Variants in IFT46 observed in about 807,000 individuals in gnomAD.
The protein encoded by IFT46 is intraflagellar transport 46, also known as intraflagellar transport protein 46 homolog.
A neutral mutation model predicts 39.6 loss-of-function variants in IFT46; 19 were observed. The observed-to-expected ratio is 0.48, with a 90% CI of 0.33 to 0.70. The LOEUF is 0.70. Ranked by LOEUF, IFT46 falls within the 30% of genes least tolerant of loss-of-function variation. The probability of loss-of-function intolerance (pLI) is 0.01; values close to 1 mark genes in which losing one functional copy is unlikely to be tolerated. For synonymous variants in IFT46, 117 were observed against 134.8 expected (o/e 0.87, Z 0.91); for missense variants, 334 against 364.8 (o/e 0.92, Z 0.69).
At chr11:118,572,340 C>CCGGGGGGG in intron 1 of IFT46, 1 of 277,636 alleles carries the variant, frequency 3.6e-6, no homozygotes, top group Non-Finnish European at 7.1e-6. Flanking sequence ...CCCCAGCCCA[C>CCGGGGGGG]AGGCCCCGCC....
At chr11:118,567,463 C>A (rs1269862254), upstream of IFT46, among the ~76,000 whole-genome samples, 1 of 152,026 alleles carries the variant, frequency 6.6e-6, no homozygotes, top group African/African-American at 2.4e-5. Context: ...GTAATCCCAG[C>A]CACTCAGGAG....
chr11:118,551,583 A>G (rs959265703), intron 9 of IFT46, among the ~76,000 whole-genome samples: 5 of 141,614 alleles, frequency 3.5e-5, no homozygotes, highest in Non-Finnish European at 6.1e-5. Flanking sequence ...CTGAGGTGGG[A>G]GGGTCACTTG....
At chr11:118,574,514 A>G (rs1344268405), upstream of IFT46, among the ~76,000 whole-genome samples, 3 of 152,162 alleles carry the variant, frequency 2.0e-5, no homozygotes, top group Non-Finnish European at 4.4e-5. Flanking sequence ...ATATTTTATC[A>G]TGCATCTAAT....
intron 9 of IFT46, among the ~76,000 whole-genome samples, chr11:118,548,093 G>A (rs1235801314): frequency 1.4e-5 from 2 of 146,842 alleles, no homozygotes; most frequent in Non-Finnish European, 3.0e-5. Context: ...TTGTTGCCCA[G>A]GCTGGTCCTG....
rs149978137 is a variant in IFT46, at chr11:118,544,915, C to T, written c.*1G>A. 2.5e-4 allele frequency: 402 copies of T among 1,609,074 alleles called. No homozygotes were observed. Among genetic ancestry groups the T allele is most frequent in the Non-Finnish European group, 3.1e-4 (370 of 1,175,918 alleles). ...CTTGAAACAGCAGCTTGGGAAGTGT[C>T]TCAGCTGAAGGTTAATGTCTCCATG... On this transcript the variant is annotated 3_prime_UTR_variant, in exon 12 of 12. Coordinates refer to ENST00000264021, the MANE Select transcript of IFT46 (RefSeq NM_001168618.2).
At chr11:118,562,793 C>T (rs1555070783) in intron 2 of IFT46, among the ~76,000 whole-genome samples, 3 of 152,154 alleles carry the variant, frequency 2.0e-5, no homozygotes, top group East Asian at 1.9e-4. Context: ...AGGCTTGGTG[C>T]GGTGGCTCAC....
intron 1 of IFT46, among the ~76,000 whole-genome samples, chr11:118,565,322 C>G (rs1938187381): frequency 6.7e-6 from 1 of 149,536 alleles, no homozygotes; most frequent in Non-Finnish European, 1.5e-5. Flanking sequence ...AGAGAGCCAA[C>G]TTCTGCAGCT....
At chr11:118,547,568 G>A (rs1206021279) in intron 9 of IFT46, among the ~76,000 whole-genome samples, 2 of 151,608 alleles carry the variant, frequency 1.3e-5, no homozygotes, top group Admixed American at 1.3e-4. Context: ...ACAGATGTGC[G>A]CCACCAGGCC....
At chr11:118,555,190 G>A (rs1293345518) in intron 5 of IFT46, 58 bp downstream of exon 5, 3 of 1,555,976 alleles carry the variant, frequency 1.9e-6, no homozygotes, top group East Asian at 4.5e-5. Context: ...ACTAGAGATA[G>A]GAAAGGTTTG....
At chr11:118,548,389 A>G (rs1417780583) in intron 9 of IFT46, among the ~76,000 whole-genome samples, 1 of 135,298 alleles carries the variant, frequency 7.4e-6, no homozygotes, top group Non-Finnish European at 1.5e-5. Context: ...TTTTTTGGAC[A>G]GAGTCTCACT....
intron 9 of IFT46, among the ~76,000 whole-genome samples, chr11:118,549,667 G>C (rs1005217357): frequency 1.3e-5 from 2 of 151,774 alleles, no homozygotes; most frequent in African/African-American, 4.8e-5. Context: ...TGAGACTACA[G>C]GTGTGCACCA....
Position 118,544,927 on chromosome 11 carries a change from T to C in IFT46, c.904A>G (p.Thr302Ala), listed in dbSNP as rs782286079. ...GCTTGGGAAGTGTCTCAGCTGAAGG[T>C]TAATGTCTCCATGTCTCCAGCTTGG... ...TSQAGDMETL[T>A]FS is the part of the protein sequence containing the mutation. Residue 302 changes from threonine to alanine, a missense_variant, in exon 12 of 12, where the codon ACC (threonine) becomes GCC (alanine). Thr to Ala is a moderately conservative substitution (Grantham distance 58). Coordinates refer to ENST00000264021, the MANE Select transcript of IFT46 (RefSeq NM_001168618.2). 2.1e-5 allele frequency: 34 copies of C among 1,612,230 alleles called. 1 individual carries two copies. In the East Asian group the frequency reaches 3.3e-4, roughly 16 times the overall value.
chr11:118,573,595 T>C (rs1938409161), upstream of IFT46: 1 of 688,490 alleles, frequency 1.5e-6, no homozygotes, highest in Admixed American at 2.1e-5. Flanking sequence ...TTCTGTTCTG[T>C]TCTTTTTTAT....
At chr11:118,561,407 A>T in intron 2 of IFT46, 1 of 826,446 alleles carries the variant, frequency 1.2e-6, no homozygotes, top group Admixed American at 1.8e-5. Flanking sequence ...AGAGATGTAT[A>T]AGAAAGCTCA....
At chr11:118,549,331 C>T (rs1182009350) in intron 9 of IFT46, among the ~76,000 whole-genome samples, 1 of 151,474 alleles carries the variant, frequency 6.6e-6, no homozygotes, top group Non-Finnish European at 1.5e-5. Flanking sequence ...TATGAGCTAC[C>T]GTGCCTGGCC....
exon 1 of IFT46, chr11:118,572,706 C>G: frequency 1.2e-6 from 1 of 854,086 alleles, no homozygotes; most frequent in East Asian, 2.9e-5. Context: ...CCTCCTGTGC[C>G]CGGTCTCCTG....
chr11:118,572,428 C>A (rs1464209753), intron 1 of IFT46: 4 of 931,102 alleles, frequency 4.3e-6, no homozygotes, highest in Non-Finnish European at 4.4e-6. Flanking sequence ...AGAGGCGAAG[C>A]GGCAGCGGTT....
At chr11:118,572,409 A>G in intron 1 of IFT46, 1 of 488,422 alleles carries the variant, frequency 2.0e-6, no homozygotes, top group Non-Finnish European at 2.8e-6. Context: ...TGGGGCCGCC[A>G]TCTTGGCAAG....
chr11:118,564,553 T>G (rs529298906), intron 2 of IFT46, among the ~76,000 whole-genome samples: 2 of 151,750 alleles, frequency 1.3e-5, no homozygotes, highest in Admixed American at 1.3e-4. Context: ...TCTATAAAAT[T>G]AAGAAAAAAA....
Sources: gnomAD v4.1 joint callset for allele counts (sites outside exome capture counted in the v4.1 genomes callset) on GRCh38, gnomAD v4.1.1 for gene constraint, MANE v1.5 for transcripts, NCBI Gene and HGNC (gene_info 2026-07-23, HGNC 2026-07-21) for gene names.